The following OR2L13 variants were observed in gnomAD, a reference collection of about 807,000 sequenced individuals.
The protein encoded by OR2L13 is olfactory receptor family 2 subfamily L member 13.
A neutral mutation model predicts 15.3 loss-of-function variants in OR2L13; 14 were observed. The observed-to-expected ratio is 0.91, with a 90% CI of 0.60 to 1.43. The LOEUF is 1.43. Ranked by LOEUF, OR2L13 falls within the 40% of genes most tolerant of loss-of-function variation. The pLI, the probability that OR2L13 is intolerant of heterozygous loss-of-function variation, is 0.00. For synonymous variants in OR2L13, 152 were observed against 142.9 expected (o/e 1.06, Z -0.45); for missense variants, 367 against 387.9 (o/e 0.95, Z 0.45).
the OR2L13 span, among the ~76,000 whole-genome samples, chr1:248,000,338 G>C: frequency 2.6e-5 from 4 of 152,152 alleles, no homozygotes; most frequent in East Asian, 7.7e-4. Context: ...CTGTCACTAG[G>C]TCACTGCACA....
At chr1:248,007,262 G>A in the OR2L13 span, among the ~76,000 whole-genome samples, 2 of 152,176 alleles carry the variant, frequency 1.3e-5, no homozygotes, top group Non-Finnish European at 2.9e-5. Context: ...TATAGGCAAT[G>A]GTGATCCTAT....
the OR2L13 span, among the ~76,000 whole-genome samples, chr1:247,955,240 T>C: frequency 2.0e-5 from 3 of 152,090 alleles, no homozygotes; most frequent in African/African-American, 7.2e-5. Flanking sequence ...AGAACGATGG[T>C]TTCCAGCTTC....
At chr1:248,067,009 C>T in the OR2L13 span, among the ~76,000 whole-genome samples, 18 of 152,250 alleles carry the variant, frequency 1.2e-4, no homozygotes, top group Non-Finnish European at 2.1e-4. Context: ...CAGGAGAAGA[C>T]GAAGGGCTTA....
the OR2L13 span, among the ~76,000 whole-genome samples, chr1:247,997,498 T>A: frequency 1.3e-5 from 2 of 152,182 alleles, no homozygotes. Flanking sequence ...TTTCTACTTA[T>A]GTGTTTCTAT....
chr1:248,100,043 C>T (rs781606244), exon 3 of OR2L13: 1 of 1,614,126 alleles, frequency 6.2e-7, no homozygotes, highest in Non-Finnish European at 8.5e-7. Flanking sequence ...GTCCTATTTG[C>T]TGTCTATCAT....
At chr1:247,957,900 G>A in the OR2L13 span, among the ~76,000 whole-genome samples, 5 of 152,066 alleles carry the variant, frequency 3.3e-5, no homozygotes, top group East Asian at 9.6e-4. Flanking sequence ...CCAGCTCCTG[G>A]ATTCATTGAT....
the OR2L13 span, among the ~76,000 whole-genome samples, chr1:248,011,217 G>A: frequency 6.1e-4 from 93 of 152,204 alleles, no homozygotes; most frequent in Non-Finnish European, 1.2e-3. Flanking sequence ...ATGAAGCTTA[G>A]TTTGGCTGGA....
chr1:248,057,943 A>G, the OR2L13 span, among the ~76,000 whole-genome samples: 1,741 of 152,286 alleles, frequency 0.011, 23 homozygotes, highest in Middle Eastern at 0.02. Context: ...TTTCTTTTGA[A>G]ATAAGATAAT....
chr1:247,952,093 A>T, the OR2L13 span, among the ~76,000 whole-genome samples: 6 of 152,202 alleles, frequency 3.9e-5, no homozygotes, highest in Non-Finnish European at 8.8e-5. Context: ...CTGCGTGCTA[A>T]CACTGCCAGC....
the OR2L13 span, among the ~76,000 whole-genome samples, chr1:248,067,801 G>C: frequency 6.6e-6 from 1 of 152,208 alleles, no homozygotes; most frequent in Admixed American, 6.5e-5. Context: ...CGAATACTGC[G>C]CTTTTCCGAC....
At chr1:248,046,318 T>A in the OR2L13 span, among the ~76,000 whole-genome samples, 1 of 152,180 alleles carries the variant, frequency 6.6e-6, no homozygotes, top group African/African-American at 2.4e-5. Context: ...TCTACTTATG[T>A]GTTTCTATAA....
At chr1:248,063,083 T>C in the OR2L13 span, 1 of 152,372 alleles carries the variant, frequency 6.6e-6, no homozygotes, top group African/African-American at 2.4e-5. Context: ...TTTGGGTTCT[T>C]TAATAGTTCC....
chr1:247,982,782 A>C, the OR2L13 span, among the ~76,000 whole-genome samples: 1 of 152,184 alleles, frequency 6.6e-6, no homozygotes, highest in African/African-American at 2.4e-5. Flanking sequence ...AAGAAGTTGA[A>C]ATGATTAAAT....
At chr1:248,074,308 T>C in the OR2L13 span, among the ~76,000 whole-genome samples, 1 of 151,928 alleles carries the variant, frequency 6.6e-6, no homozygotes. Context: ...ATTAAAAATA[T>C]TGAAATGCCA....
At chr1:247,958,192 G>A in the OR2L13 span, among the ~76,000 whole-genome samples, 5,754 of 152,040 alleles carry the variant, frequency 0.038, 124 homozygotes, top group African/African-American at 0.06. Context: ...CCTTCATTTC[G>A]TTATGTACCC....
chr1:247,977,416 A>T, the OR2L13 span, among the ~76,000 whole-genome samples: 1 of 152,208 alleles, frequency 6.6e-6, no homozygotes, highest in African/African-American at 2.4e-5. Flanking sequence ...TCTACTTATG[A>T]AGAGCAGAAT....
chr1:248,049,620 G>A, the OR2L13 span, among the ~76,000 whole-genome samples: 19 of 152,126 alleles, frequency 1.2e-4, no homozygotes. Context: ...TGGGTGATAC[G>A]AGGAAACGGA....
chr1:247,952,136 A>C, the OR2L13 span, among the ~76,000 whole-genome samples: 7 of 152,206 alleles, frequency 4.6e-5, no homozygotes, highest in Admixed American at 3.3e-4. Flanking sequence ...TCATACTCAG[A>C]GATGAAATTA....
the OR2L13 span, among the ~76,000 whole-genome samples, chr1:247,982,579 A>T: frequency 0.016 from 2,475 of 152,322 alleles, 25 homozygotes; most frequent in Non-Finnish European, 0.027. Flanking sequence ...TAGATCCTCA[A>T]CTTGATTATG....
Sources: allele counts gnomAD v4.1 joint callset (sites outside exome capture counted in the v4.1 genomes callset), GRCh38; gene constraint gnomAD v4.1.1; transcripts MANE v1.5; gene names NCBI Gene and HGNC (gene_info 2026-07-23, HGNC 2026-07-21).